PPFIA2: variants seen among roughly 807,000 people sequenced by gnomAD.
PPFIA2 encodes the protein PPFI scaffold protein A2.
A neutral mutation model predicts 175.5 loss-of-function variants in PPFIA2; 46 were observed. The ratio of observed to expected loss-of-function variants is 0.26; its 90% CI spans 0.21 to 0.34. The LOEUF is 0.34. Among genes scored for constraint, PPFIA2 ranks in the 10% least tolerant of loss-of-function variants. The probability of loss-of-function intolerance (pLI) is 1.00; values close to 1 mark genes in which losing one functional copy is unlikely to be tolerated. For missense variants in PPFIA2, 1,179 were observed against 1,506.1 expected (o/e 0.78, Z 3.60); for synonymous variants, 568 against 511.4 (o/e 1.11, Z -1.49).
intron 4 of PPFIA2, among the ~76,000 whole-genome samples, chr12:81,675,815 C>T (rs1167441220): frequency 6.6e-6 from 1 of 151,994 alleles, no homozygotes; most frequent in African/African-American, 2.4e-5. Flanking sequence ...ATACAAGCAG[C>T]TGTCTGCAGC....
At chr12:81,756,314 C>T (rs1282705702) in intron 2 of PPFIA2, among the ~76,000 whole-genome samples, 2 of 152,036 alleles carry the variant, frequency 1.3e-5, no homozygotes, top group Non-Finnish European at 2.9e-5. Context: ...AGTTATTAAT[C>T]CCTTTCCACC....
In PPFIA2 at chr12:81,360,232, G is replaced by C. The variant is rs369210807; in HGVS notation, c.1638-2015C>G. 2.6e-5 allele frequency among the ~76,000 whole-genome samples: 4 copies of C among 151,892 alleles called. No individual in the cohort carries two copies. The East Asian group carries it at 5.8e-4, about 22-fold the overall frequency. On this transcript the variant is annotated intron_variant, in intron 15 of 32. Coordinates refer to ENST00000549396, the MANE Select transcript of PPFIA2 (RefSeq NM_003625.5). ...AAACAGAGGCAATATTATCATACTA[G>C]TTCAATTTTTAAATCATTCTAGGTG... is the stretch of plus-strand genomic sequence containing the variant.
In PPFIA2 at chr12:81,355,010, G is replaced by A. The variant is rs116598042; in HGVS notation, c.1774-1671C>T. 5.7e-4 allele frequency among the ~76,000 whole-genome samples: 87 copies of A among 152,176 alleles called. 1 individual carries two copies. Among genetic ancestry groups the A allele is most frequent in the African/African-American group, 2.0e-3 (83 of 41,546 alleles). On this transcript the variant is annotated intron_variant, in intron 16 of 32. Transcript: ENST00000549396. ...TTAATGGCGCCTAGAATGATGAATC[G>A]TTTCCAGAATGTTTTCAATTGGCTT...
At chr12:81,582,025 T>G (rs547338246) in intron 4 of PPFIA2, among the ~76,000 whole-genome samples, 51 of 152,020 alleles carry the variant, frequency 3.4e-4, no homozygotes, top group African/African-American at 1.2e-3. Context: ...AAGGCCCAAA[T>G]TCATATTTCC....
At chr12:81,444,432 T>A (rs1566859115) in intron 6 of PPFIA2, among the ~76,000 whole-genome samples, 1 of 152,190 alleles carries the variant, frequency 6.6e-6, no homozygotes, top group Non-Finnish European at 1.5e-5. Context: ...AGAGGAAATA[T>A]AATATGAAAC....
chr12:81,289,727 T>A (rs905739246), intron 24 of PPFIA2, among the ~76,000 whole-genome samples: 3 of 151,848 alleles, frequency 2.0e-5, no homozygotes, highest in Non-Finnish European at 4.4e-5. Flanking sequence ...ACTCCAGACA[T>A]TGGAAACATA....
intron 4 of PPFIA2, among the ~76,000 whole-genome samples, chr12:81,535,254 G>A (rs553179739): frequency 1.6e-4 from 24 of 151,848 alleles, no homozygotes; most frequent in Admixed American, 4.6e-4. Context: ...GCAATGGACA[G>A]CAGAGCATGC....
At chr12:81,646,381 T>C (rs2066074354) in intron 4 of PPFIA2, among the ~76,000 whole-genome samples, 1 of 151,980 alleles carries the variant, frequency 6.6e-6, no homozygotes, top group South Asian at 2.1e-4. Flanking sequence ...GTGCTGAGGT[T>C]TGGTGCAGAG....
At chr12:81,757,937 G>A (rs538399574) in intron 2 of PPFIA2, among the ~76,000 whole-genome samples, 30 of 152,308 alleles carry the variant, frequency 2.0e-4, no homozygotes, top group Non-Finnish European at 4.3e-4. Context: ...CCTACAAGGA[G>A]TAATTCAGTG....
chr12:81,401,431 G>C (rs1001219022), intron 8 of PPFIA2, among the ~76,000 whole-genome samples: 1 of 152,156 alleles, frequency 6.6e-6, no homozygotes, highest in East Asian at 1.9e-4. Flanking sequence ...AGCTGGCAGA[G>C]ACAGGAACTT....
chr12:81,315,109 T>C (rs996138870), intron 22 of PPFIA2, among the ~76,000 whole-genome samples: 2 of 151,850 alleles, frequency 1.3e-5, no homozygotes, highest in African/African-American at 4.8e-5. Flanking sequence ...TCTGTCTCTC[T>C]GTCTCTCTAA....
chr12:81,271,918 TG>T (rs1463622057), intron 28 of PPFIA2, among the ~76,000 whole-genome samples: 3 of 152,252 alleles, frequency 2.0e-5, no homozygotes, highest in African/African-American at 7.2e-5. Flanking sequence ...CTTTTCTATT[TG>T]TTTTTTTTCT....
intron 13 of PPFIA2, 120 bp downstream of exon 13, chr12:81,368,605 C>A (rs2034228194): frequency 9.7e-7 from 1 of 1,027,138 alleles, no homozygotes; most frequent in East Asian, 2.6e-5. Flanking sequence ...AAGAATATAC[C>A]AGGCATTTTT....
chr12:81,631,018 C>T (rs2153497717), intron 4 of PPFIA2, among the ~76,000 whole-genome samples: 1 of 151,826 alleles, frequency 6.6e-6, no homozygotes, highest in Admixed American at 6.6e-5. Flanking sequence ...CCACAGCCTC[C>T]CAAGTAGCTG....
chr12:81,266,689 C>T (rs932800003), intron 30 of PPFIA2, among the ~76,000 whole-genome samples: 8 of 152,122 alleles, frequency 5.3e-5, no homozygotes, highest in Admixed American at 2.0e-4. Flanking sequence ...CAACGTTTTG[C>T]AGTCACGACT....
chr12:81,405,399 C>T (rs1001127915), intron 8 of PPFIA2, among the ~76,000 whole-genome samples: 1 of 151,860 alleles, frequency 6.6e-6, no homozygotes, highest in Non-Finnish European at 1.5e-5. Context: ...TTGTTTTGCA[C>T]TTAAAATAGT....
chr12:81,367,327 T>TC, intron 13 of PPFIA2, among the ~76,000 whole-genome samples, 157 bp from the exon 14 acceptor site: 1 of 151,764 alleles, frequency 6.6e-6, no homozygotes, highest in East Asian at 1.9e-4. Flanking sequence ...GATGAAATTT[T>TC]CAAATGTGAG....
Position 81,605,654 on chromosome 12 carries a change from T to TCTAC in PPFIA2, c.303+71136_303+71137insGTAG, listed in dbSNP as rs1555519848. 7.3e-4 allele frequency among the ~76,000 whole-genome samples: 76 copies of TCTAC among 104,052 alleles called. 2 individuals carry two copies. The highest frequency in any genetic ancestry group is 4.1e-3 in the Admixed American group (42 of 10,222). 68.3% of individuals were successfully genotyped at this position (104,052 alleles called of 152,430 possible). On this transcript the variant is annotated intron_variant, in intron 4 of 32. Transcript: ENST00000549396. The stretch of plus-strand genomic sequence containing the variant: ...GTCTATCCATCCATCCATCCAGCTA[T>TCTAC]CTATCTATCTATCTATCTATCTATC...
In PPFIA2 at chr12:81,393,519, C is replaced by T. The variant is rs558264734; in HGVS notation, c.763-9275G>A. On this transcript the variant is annotated intron_variant, in intron 8 of 32. Transcript: ENST00000549396. The stretch of plus-strand genomic sequence containing the variant: ...AATAGAACCCTGACAAAAAGTGTCT[C>T]CTCTACTGTGTCTTGATATTAAGAG... 3.7e-4 allele frequency among the ~76,000 whole-genome samples: 56 copies of T among 152,144 alleles called. 1 individual carries two copies. The South Asian group carries it at 0.011, about 30-fold the overall frequency.
Sources: allele counts gnomAD v4.1 joint callset (sites outside exome capture counted in the v4.1 genomes callset), GRCh38; gene constraint gnomAD v4.1.1; transcripts MANE v1.5; gene names NCBI Gene and HGNC (gene_info 2026-07-23, HGNC 2026-07-21).